Variants in FGD3 observed in about 807,000 individuals in gnomAD.
The protein encoded by FGD3 is FYVE, RhoGEF and PH domain containing 3, also known as FYVE, RhoGEF and PH domain-containing protein 3.
Under a neutral mutation model 71.8 loss-of-function variants are expected in FGD3, and 45 were observed. The observed-to-expected ratio is 0.63, with a 90% CI of 0.49 to 0.80. FGD3 has a LOEUF of 0.80. Among genes scored for constraint, FGD3 ranks in the 30% least tolerant of loss-of-function variants. The pLI is 0.00. For synonymous variants in FGD3, 378 were observed against 392.8 expected (o/e 0.96, Z 0.44); for missense variants, 844 against 951.5 (o/e 0.89, Z 1.49).
chr9:93,029,487 G>T (rs1361508338), intron 14 of FGD3, among the ~76,000 whole-genome samples: 1 of 152,212 alleles, frequency 6.6e-6, no homozygotes, highest in African/African-American at 2.4e-5. Flanking sequence ...TTGCAGACAG[G>T]GATGCCCCCG....
intron 14 of FGD3, among the ~76,000 whole-genome samples, chr9:93,029,004 T>G (rs1047661314): frequency 0.021 from 791 of 37,332 alleles, 36 homozygotes; most frequent in African/African-American, 0.042. Flanking sequence ...AGTTTTTTTT[T>G]TTTTTTTTTT....
In FGD3 at chr9:92,993,136, C is replaced by G. The variant is rs181922515; in HGVS notation, c.454-9789C>G. ...CTAGTCAGCCATCTTACTGATATCA[C>G]TCTCCTTCTTTTTTTTGGTACAAGG... On this transcript the variant is annotated intron_variant, in intron 3 of 17. Transcript: ENST00000375482. 1.3e-4 allele frequency among the ~76,000 whole-genome samples: 20 copies of G among 152,220 alleles called. No homozygotes were observed. The East Asian group carries it at 3.9e-3, about 30-fold the overall frequency.
At chr9:92,967,270 T>C (rs1859366459) in intron 1 of FGD3, among the ~76,000 whole-genome samples, 1 of 151,896 alleles carries the variant, frequency 6.6e-6, no homozygotes, top group Non-Finnish European at 1.5e-5. Context: ...GCCTCCTTCA[T>C]CGTTTTTAAG....
At chr9:93,000,094 T>C (rs1860807570) in intron 3 of FGD3, among the ~76,000 whole-genome samples, 1 of 152,084 alleles carries the variant, frequency 6.6e-6, no homozygotes. Context: ...TCTCATTTCC[T>C]TTTTTATCTA....
rs150960217 is a variant in FGD3, at chr9:93,002,419, A to G, written c.454-506A>G. Reference sequence around the variant, plus strand: ...GGCAACATGGCAAAACCTCATCTCTACAAAACGAAAATAGAAAAAAACTAG... The same window carrying G: ...GGCAACATGGCAAAACCTCATCTCTGCAAAACGAAAATAGAAAAAAACTAG... On this transcript the variant is annotated intron_variant, in intron 3 of 17. Transcript: ENST00000375482. Among the ~76,000 whole-genome samples, 1,023 of 152,314 alleles carry G rather than the reference A, an allele frequency of 6.7e-3. 10 individuals are homozygous for G. Among genetic ancestry groups the G allele is most frequent in the African/African-American group, 0.024 (980 of 41,558 alleles).
At chr9:92,950,234 G>A (rs1420944494) in intron 1 of FGD3, among the ~76,000 whole-genome samples, 4 of 151,862 alleles carry the variant, frequency 2.6e-5, no homozygotes, top group South Asian at 2.1e-4. Flanking sequence ...TGGCTAAGAC[G>A]GTGAAAACCC....
At chr9:93,028,271 AG>A (rs1446548147) in intron 14 of FGD3, among the ~76,000 whole-genome samples, 2 of 150,908 alleles carry the variant, frequency 1.3e-5, no homozygotes, top group African/African-American at 4.9e-5. Context: ...AGCATATCCC[AG>A]ACCTCTTTTT....
intron 14 of FGD3, among the ~76,000 whole-genome samples, chr9:93,028,487 C>T (rs1026404000): frequency 2.6e-5 from 4 of 151,890 alleles, no homozygotes; most frequent in Admixed American, 1.3e-4. Context: ...GTCTTCTTAA[C>T]AGTGGTTTCG....
intron 3 of FGD3, among the ~76,000 whole-genome samples, chr9:92,985,556 GT>G (rs553192783): frequency 5.3e-4 from 80 of 152,338 alleles, no homozygotes; most frequent in African/African-American, 1.7e-3. Context: ...TTAGCTCACT[GT>G]AACCTCTGCC....
chr9:92,989,144 A>T (rs982341856), intron 3 of FGD3, among the ~76,000 whole-genome samples: 2 of 152,118 alleles, frequency 1.3e-5, no homozygotes, highest in African/African-American at 4.8e-5. Context: ...TCTGCCTCCC[A>T]GGTTCAAGTG....
intron 16 of FGD3, 163 bp downstream of exon 16, chr9:93,033,036 T>G (rs1862420427): frequency 1.4e-6 from 1 of 722,058 alleles, no homozygotes; most frequent in African/African-American, 1.7e-5. Flanking sequence ...GGGAACACAC[T>G]CGGAAGATCC....
chr9:92,952,445 G>A (rs1035465574), intron 1 of FGD3, among the ~76,000 whole-genome samples: 10 of 151,924 alleles, frequency 6.6e-5, no homozygotes, highest in Non-Finnish European at 1.2e-4. Context: ...CACCGTGTTA[G>A]CCAGGATGGT....
chr9:92,956,481 T>G (rs1405960851), intron 1 of FGD3, among the ~76,000 whole-genome samples: 4 of 152,178 alleles, frequency 2.6e-5, no homozygotes, highest in African/African-American at 9.7e-5. Context: ...TGATCTGTCA[T>G]GACTGGTGTC....
chr9:92,962,443 G>A (rs1163477354), intron 1 of FGD3, among the ~76,000 whole-genome samples: 1 of 152,206 alleles, frequency 6.6e-6, no homozygotes, highest in African/African-American at 2.4e-5. Context: ...GGAAGCATCT[G>A]GATGGTCCAG....
intron 5 of FGD3, 104 bp from the exon 6 acceptor site, chr9:93,005,920 G>C (rs1305708059): frequency 7.5e-7 from 1 of 1,330,860 alleles, no homozygotes; most frequent in Non-Finnish European, 1.0e-6. Flanking sequence ...CCATCACACA[G>C]AGCTGGCCTC....
chr9:92,979,877 C>A (rs1009154501), intron 3 of FGD3, among the ~76,000 whole-genome samples: 3 of 151,184 alleles, frequency 2.0e-5, no homozygotes, highest in African/African-American at 7.3e-5. Flanking sequence ...TCATAGTATT[C>A]TCTTTTAGTC....
chr9:93,005,834 T>G (rs1428640949), intron 5 of FGD3, among the ~76,000 whole-genome samples, 190 bp from the exon 6 acceptor site: 2 of 152,190 alleles, frequency 1.3e-5, no homozygotes, highest in Non-Finnish European at 2.9e-5. Context: ...TTCATTTAAT[T>G]GCCCAGTTAC....
chr9:92,964,087 A>C (rs1337417378), intron 1 of FGD3: 1 of 152,412 alleles, frequency 6.6e-6, no homozygotes, highest in Non-Finnish European at 1.5e-5. Context: ...CCTTTAAACC[A>C]GCACGGCCGC....
In FGD3 at chr9:93,035,419, C is replaced by T. The variant is rs377406819; in HGVS notation, c.2008C>T (p.His670Tyr). The change falls in exon 18 of 18, where the codon CAT (histidine) becomes TAT (tyrosine). Residue 670 changes from histidine (H) to tyrosine (Y), a missense_variant. Transcript: ENST00000375482. ...PDPEERLDSG[H>Y]VWKLQWAKQS... ...CCCTGAGGAGAGGCTGGACTCGGGG[C>T]ATGTGTGGAAGCTGCAGTGGGCCAA... The T allele has an allele frequency of 4.3e-6, 7 of 1,612,168 alleles. No homozygotes were observed. In the African/African-American group the frequency reaches 5.3e-5, roughly 12 times the overall value.
Sources: gnomAD v4.1 joint callset for allele counts (sites outside exome capture counted in the v4.1 genomes callset) on GRCh38, gnomAD v4.1.1 for gene constraint, MANE v1.5 for transcripts, NCBI Gene and HGNC (gene_info 2026-07-23, HGNC 2026-07-21) for gene names.